RASGRF2: variants seen among roughly 807,000 people sequenced by gnomAD.
RASGRF2 encodes ras-specific guanine nucleotide-releasing factor 2.
In RASGRF2, 76 loss-of-function variants were observed where a neutral mutation model predicts 151.0. The ratio of observed to expected loss-of-function variants is 0.50; its 90% confidence interval spans 0.42 to 0.61. The LOEUF (loss-of-function observed/expected upper bound fraction) is 0.61, where lower values mean the gene tolerates loss of function less well. Among genes scored for constraint, RASGRF2 ranks in the 20% least tolerant of loss-of-function variants. The probability of loss-of-function intolerance (pLI) is 0.00; values close to 1 mark genes in which losing one functional copy is unlikely to be tolerated. For synonymous variants in RASGRF2, 504 were observed against 566.5 expected (o/e 0.89, Z 1.57); for missense variants, 1,148 against 1,564.6 (o/e 0.73, Z 4.49).
rs191059736 is a variant in RASGRF2, at chr5:81,071,804, T to G, written c.633+1223T>G. Among the ~76,000 whole-genome samples, 544 of 152,192 alleles carry G rather than the reference T, an allele frequency of 3.6e-3. 2 individuals are homozygous for G. The highest frequency in any genetic ancestry group is 0.013 in the African/African-American group (520 of 41,546). The stretch of plus-strand genomic sequence containing the variant: ...CATGTAAAGAAAAAATTAATAAAAT[T>G]CAATTTTCAGATGTGTGGTAGAAAC... On this transcript the variant is annotated intron_variant, in intron 4 of 26. Transcript: ENST00000265080.
intron 2 of RASGRF2, among the ~76,000 whole-genome samples, chr5:81,053,937 T>C (rs943972342): frequency 2.0e-5 from 3 of 152,246 alleles, no homozygotes; most frequent in African/African-American, 7.2e-5. Flanking sequence ...TTGAGAAGTG[T>C]CTGTTCATAT....
chr5:81,019,312 G>C (rs895665012), intron 1 of RASGRF2: 4 of 152,292 alleles, frequency 2.6e-5, no homozygotes, highest in African/African-American at 9.6e-5. Context: ...AATCTCAGAG[G>C]CACTGCCCTC....
chr5:81,158,328 G>A (rs368781301), intron 17 of RASGRF2, among the ~76,000 whole-genome samples: 33 of 152,302 alleles, frequency 2.2e-4, no homozygotes, highest in Admixed American at 7.8e-4. Flanking sequence ...AATCCTAAAT[G>A]TTAAGAGCCA....
intron 25 of RASGRF2, 95 bp downstream of exon 25, chr5:81,217,568 T>TTC: frequency 2.0e-5 from 15 of 746,492 alleles, no homozygotes; most frequent in Non-Finnish European, 2.6e-5. Flanking sequence ...TTTTTTTTTT[T>TTC]CTCTTCTTTT....
Position 81,094,848 on chromosome 5 carries a change from T to C in RASGRF2, c.1619-8T>C. 1 of 1,589,186 alleles carries C rather than the reference T, an allele frequency of 6.3e-7. No individual in the cohort carries two copies. Among genetic ancestry groups the C allele is most frequent in the Non-Finnish European group, 8.6e-7 (1 of 1,159,114 alleles). On this transcript the variant is annotated splice_polypyrimidine_tract_variant and splice_region_variant and intron_variant, in intron 11 of 26. Coordinates refer to ENST00000265080, the MANE Select transcript of RASGRF2 (RefSeq NM_006909.3). ...CTCATCTAATTGTTTGCTTTACATG[T>C]GTTCAAGCTAAAGGTTCTGGGCAAG... is the stretch of plus-strand genomic sequence containing the variant.
chr5:81,222,126 A>C (rs1755869406), intron 26 of RASGRF2, among the ~76,000 whole-genome samples: 1 of 152,192 alleles, frequency 6.6e-6, no homozygotes, highest in Non-Finnish European at 1.5e-5. Flanking sequence ...GGCTTTAGAT[A>C]TGCTTGCGTT....
intron 17 of RASGRF2, among the ~76,000 whole-genome samples, chr5:81,149,690 G>A (rs572779401): frequency 6.6e-6 from 1 of 151,952 alleles, no homozygotes; most frequent in East Asian, 1.9e-4. Context: ...GAGACTTAGG[G>A]AGAGAAGCCT....
intron 17 of RASGRF2, among the ~76,000 whole-genome samples, chr5:81,145,519 G>A (rs1305031061): frequency 6.6e-6 from 1 of 152,206 alleles, no homozygotes; most frequent in Non-Finnish European, 1.5e-5. Context: ...AAATAAAGCG[G>A]AAGTGATCGT....
intron 17 of RASGRF2, among the ~76,000 whole-genome samples, chr5:81,134,669 C>T (rs986972973): frequency 2.6e-5 from 4 of 152,148 alleles, no homozygotes; most frequent in African/African-American, 9.7e-5. Context: ...TCTGAGCTGC[C>T]TTCCCTGTTT....
At chr5:81,154,660 A>G (rs1361922108) in intron 17 of RASGRF2, among the ~76,000 whole-genome samples, 3 of 152,262 alleles carry the variant, frequency 2.0e-5, no homozygotes, top group Non-Finnish European at 4.4e-5. Flanking sequence ...CACAGTTAGA[A>G]ATTAATAATA....
intron 2 of RASGRF2, among the ~76,000 whole-genome samples, chr5:81,045,427 A>G (rs1177224852): frequency 6.6e-6 from 1 of 152,152 alleles, no homozygotes; most frequent in Admixed American, 6.5e-5. Flanking sequence ...CCAGGAATGC[A>G]TTTTATCATC....
At chr5:81,195,859 C>G (rs1755252995) in intron 18 of RASGRF2, among the ~76,000 whole-genome samples, 1 of 152,202 alleles carries the variant, frequency 6.6e-6, no homozygotes, top group African/African-American at 2.4e-5. Context: ...CTCATCTCAG[C>G]CCATGTGATC....
At chr5:81,169,895 G>C (rs2112656390) in intron 17 of RASGRF2, among the ~76,000 whole-genome samples, 1 of 140,878 alleles carries the variant, frequency 7.1e-6, no homozygotes, top group Non-Finnish European at 1.6e-5. Flanking sequence ...TGCACCACCT[G>C]TATCACCCAT....
intron 12 of RASGRF2, among the ~76,000 whole-genome samples, chr5:81,101,194 A>G (rs1172632030): frequency 6.6e-6 from 1 of 152,190 alleles, no homozygotes; most frequent in Non-Finnish European, 1.5e-5. Flanking sequence ...AACCCTGCTT[A>G]TTTGAATATA....
intron 1 of RASGRF2, among the ~76,000 whole-genome samples, chr5:80,966,612 C>T (rs533403498): frequency 6.6e-6 from 1 of 151,924 alleles, no homozygotes; most frequent in Admixed American, 6.5e-5. Context: ...CATTTTTGCC[C>T]AAGGAGTTAA....
intron 17 of RASGRF2, among the ~76,000 whole-genome samples, chr5:81,167,322 C>T (rs1367541403): frequency 2.6e-5 from 4 of 152,156 alleles, no homozygotes; most frequent in East Asian, 3.9e-4. Context: ...CCAACCAAGA[C>T]GTAGCTATTG....
At chr5:80,996,046 C>T (rs926269927) in intron 1 of RASGRF2, among the ~76,000 whole-genome samples, 6 of 152,018 alleles carry the variant, frequency 3.9e-5, no homozygotes, top group Non-Finnish European at 7.4e-5. Context: ...ATTGCATTAC[C>T]CCCTCCACTC....
At chr5:81,186,248 G>C (rs1290583375) in intron 18 of RASGRF2, among the ~76,000 whole-genome samples, 3 of 152,064 alleles carry the variant, frequency 2.0e-5, no homozygotes. Flanking sequence ...GTGTAGGTCA[G>C]TGACTTTCTG....
At chr5:81,087,072 C>T (rs1378781331) in intron 9 of RASGRF2, 119 bp downstream of exon 9, 9 of 934,970 alleles carry the variant, frequency 9.6e-6, no homozygotes, top group Middle Eastern at 4.3e-4. Flanking sequence ...AAGGACCCCC[C>T]CACGGCCTTC....
Sources: gnomAD v4.1 joint callset for allele counts (sites outside exome capture counted in the v4.1 genomes callset) on GRCh38, gnomAD v4.1.1 for gene constraint, MANE v1.5 for transcripts, NCBI Gene and HGNC (gene_info 2026-07-23, HGNC 2026-07-21) for gene names.